FAT3: variants seen among roughly 807,000 people sequenced by gnomAD.
FAT3 encodes the protein protocadherin Fat 3.
A neutral mutation model predicts 310.2 loss-of-function variants in FAT3; 95 were observed. That is an observed-to-expected ratio of 0.31 (90% confidence interval 0.26 to 0.36). The LOEUF (loss-of-function observed/expected upper bound fraction) is 0.36. FAT3 is among the 10% of genes least tolerant of loss of function. FAT3 has a pLI of 1.00. For synonymous variants in FAT3, 2,314 were observed against 2,192.9 expected, an observed-to-expected ratio of 1.06 and a Z score of -1.54; for missense variants, 5,408 against 5,715.6, an observed-to-expected ratio of 0.95 and a Z score of 1.74.
chr11:92,352,785 A>G lies in FAT3; in HGVS notation c.673A>G (p.Asn225Asp), dbSNP rs1948603071. 1 of 1,613,918 alleles carries G rather than the reference A, an allele frequency of 6.2e-7. No homozygotes were observed. The highest frequency in any genetic ancestry group is 8.5e-7 in the Non-Finnish European group (1 of 1,179,888). The change falls in exon 2 of 28, where the codon AAT becomes GAT. Residue 225 changes from asparagine (N) to aspartate (D), a missense_variant. Coordinates refer to ENST00000525166, the MANE Select transcript of FAT3 (RefSeq NM_001367949.2). The part of the protein sequence containing the change: ...LSGRLNYDEK[N>D]RYDLEILAVD... ...TGGTCGATTAAATTATGATGAAAAG[A>G]ATAGGTATGATCTGGAAATTTTGGC...
intron 4 of FAT3, among the ~76,000 whole-genome samples, chr11:92,712,322 C>A (rs1390334636): frequency 1.3e-5 from 2 of 152,292 alleles, no homozygotes; most frequent in Non-Finnish European, 1.5e-5. Flanking sequence ...CTCTTACGTG[C>A]ATGCCAAGAA....
At chr11:92,342,145 T>A (rs542393721) in intron 1 of FAT3, among the ~76,000 whole-genome samples, 2 of 152,236 alleles carry the variant, frequency 1.3e-5, no homozygotes, top group Non-Finnish European at 2.9e-5. Flanking sequence ...GATTTGGAAC[T>A]GAATTATTAT....
chr11:92,647,152 T>C (rs1942198019), intron 3 of FAT3, among the ~76,000 whole-genome samples: 1 of 152,220 alleles, frequency 6.6e-6, no homozygotes, highest in African/African-American at 2.4e-5. Context: ...CTTAATACTT[T>C]AATTATCTTT....
chr11:92,849,943 C>T (rs530313713), intron 19 of FAT3, among the ~76,000 whole-genome samples: 28 of 152,136 alleles, frequency 1.8e-4, no homozygotes, highest in Middle Eastern at 3.4e-3. Flanking sequence ...GACAGTCCTT[C>T]GGAGGGATAA....
chr11:92,806,601 G>T, intron 12 of FAT3, 86 bp downstream of exon 12: 7 of 1,152,958 alleles, frequency 6.1e-6, no homozygotes, highest in Non-Finnish European at 8.5e-6. Flanking sequence ...CTAGTAAATA[G>T]TTAGTAGTAT....
chr11:92,722,757 G>A (rs538308033), intron 4 of FAT3, among the ~76,000 whole-genome samples: 1 of 152,274 alleles, frequency 6.6e-6, no homozygotes, highest in South Asian at 2.1e-4. Flanking sequence ...GCACTCACAG[G>A]CTCAATACCA....
intron 2 of FAT3, among the ~76,000 whole-genome samples, chr11:92,396,010 T>G (rs974140641): frequency 1.3e-5 from 2 of 152,130 alleles, no homozygotes; most frequent in African/African-American, 2.4e-5. Flanking sequence ...AAATTAGTGT[T>G]TTACCCTGTC....
At chr11:92,769,097 G>A (rs1447836283) in intron 6 of FAT3, among the ~76,000 whole-genome samples, 2 of 152,098 alleles carry the variant, frequency 1.3e-5, no homozygotes, top group African/African-American at 4.8e-5. Context: ...ACAAAAGCTG[G>A]GTAGCAAGCA....
At chr11:92,664,122 T>C (rs1438016956) in intron 3 of FAT3, among the ~76,000 whole-genome samples, 1 of 152,192 alleles carries the variant, frequency 6.6e-6, no homozygotes, top group Non-Finnish European at 1.5e-5. Context: ...ATGTTCAGCA[T>C]GGCATGTCCT....
intron 1 of FAT3, among the ~76,000 whole-genome samples, chr11:92,240,506 C>T (rs1300051290): frequency 6.6e-6 from 1 of 151,064 alleles, no homozygotes; most frequent in Non-Finnish European, 1.5e-5. Flanking sequence ...TAAAAGCCCC[C>T]ACTCTCCCTT....
intron 3 of FAT3, among the ~76,000 whole-genome samples, chr11:92,599,440 C>A (rs116866780): frequency 6.6e-6 from 1 of 152,062 alleles, no homozygotes; most frequent in East Asian, 1.9e-4. Flanking sequence ...GTTCCTCCCA[C>A]GACATGAGAG....
At chr11:92,330,946 G>A (rs529145349) in intron 1 of FAT3, among the ~76,000 whole-genome samples, 1 of 151,514 alleles carries the variant, frequency 6.6e-6, no homozygotes, top group East Asian at 1.9e-4. Context: ...TCTTGTTAGG[G>A]AAATTGACAG....
intron 4 of FAT3, among the ~76,000 whole-genome samples, chr11:92,739,839 CT>C (rs933830938): frequency 1.4e-4 from 21 of 152,158 alleles, no homozygotes; most frequent in Admixed American, 9.8e-4. Flanking sequence ...ATAGAAACAG[CT>C]TTGGCTCCCC....
chr11:92,297,786 T>C (rs1946889281), intron 1 of FAT3, among the ~76,000 whole-genome samples: 1 of 152,190 alleles, frequency 6.6e-6, no homozygotes, highest in African/African-American at 2.4e-5. Flanking sequence ...AGCTCATCAA[T>C]TCTGCTTCAG....
intron 1 of FAT3, among the ~76,000 whole-genome samples, chr11:92,261,409 A>T (rs1396295391): frequency 6.6e-6 from 1 of 152,112 alleles, no homozygotes; most frequent in Non-Finnish European, 1.5e-5. Context: ...TGGATTCCCC[A>T]CTATACTTTG....
intron 2 of FAT3, among the ~76,000 whole-genome samples, chr11:92,490,275 G>C (rs1488064153): frequency 6.6e-6 from 1 of 152,100 alleles, no homozygotes; most frequent in Admixed American, 6.6e-5. Context: ...ATATAGGAAT[G>C]TAATTCAAAT....
intron 4 of FAT3, among the ~76,000 whole-genome samples, chr11:92,719,720 C>CTGTGTGTGTGTGTGTG (rs751825746): frequency 3.4e-4 from 47 of 136,770 alleles, no homozygotes; most frequent in Admixed American, 3.3e-3. Flanking sequence ...AGAACCAACT[C>CTGTGTGTGTGTGTGTG]TGTGTGTGTG....
intron 2 of FAT3, among the ~76,000 whole-genome samples, chr11:92,440,812 T>A (rs912676982): frequency 6.6e-6 from 1 of 152,194 alleles, no homozygotes; most frequent in Non-Finnish European, 1.5e-5. Context: ...TGCATTAACC[T>A]GAGAAGTATA....
intron 2 of FAT3, among the ~76,000 whole-genome samples, chr11:92,388,348 G>T (rs1156692980): frequency 6.6e-6 from 1 of 152,050 alleles, no homozygotes; most frequent in Non-Finnish European, 1.5e-5. Context: ...GATGCCTCCT[G>T]ATCTCCCAAC....
Sources: gnomAD v4.1 joint callset for allele counts (sites outside exome capture counted in the v4.1 genomes callset) on GRCh38, gnomAD v4.1.1 for gene constraint, MANE v1.5 for transcripts, NCBI Gene and HGNC (gene_info 2026-07-23, HGNC 2026-07-21) for gene names.